PAMR1: variants seen among roughly 807,000 people sequenced by gnomAD.
The protein encoded by PAMR1 is peptidase domain containing associated with muscle regeneration 1, also known as inactive serine protease PAMR1.
In PAMR1, 88 loss-of-function variants were observed where a neutral mutation model predicts 81.8. That is an observed-to-expected ratio of 1.08 (90% CI 0.91 to 1.28). The LOEUF is 1.28. PAMR1 is among the 50% of genes most tolerant of loss of function. The pLI, the probability that PAMR1 is intolerant of heterozygous loss-of-function variation, is 0.00. For missense variants in PAMR1, 935 were observed against 919.7 expected (o/e 1.02, Z -0.21); for synonymous variants, 336 against 345.3 (o/e 0.97, Z 0.30).
intron 6 of PAMR1, chr11:35,453,386 C>T (rs1856461135): frequency 6.6e-6 from 1 of 152,246 alleles, no homozygotes; most frequent in East Asian, 1.9e-4. Context: ...GTGTTGATCA[C>T]ACTTCTGGGT....
chr11:35,455,080 T>A (rs1410705453), intron 6 of PAMR1, among the ~76,000 whole-genome samples: 1 of 152,236 alleles, frequency 6.6e-6, no homozygotes, highest in East Asian at 1.9e-4. Context: ...GTCTGAGAGA[T>A]GGATTTTAGT....
At chr11:35,433,955 T>C (rs566283770) in intron 10 of PAMR1, among the ~76,000 whole-genome samples, 35 of 152,244 alleles carry the variant, frequency 2.3e-4, no homozygotes, top group African/African-American at 7.0e-4. Flanking sequence ...ATATTGTAAA[T>C]TTGTTAAGAG....
chr11:35,447,232 T>G (rs1246146634), intron 6 of PAMR1, among the ~76,000 whole-genome samples: 2 of 144,838 alleles, frequency 1.4e-5, no homozygotes, highest in Non-Finnish European at 3.0e-5. Flanking sequence ...AGATGGAGTC[T>G]CGCTCTGTTA....
intron 1 of PAMR1, among the ~76,000 whole-genome samples, chr11:35,504,695 TTC>T (rs1463041588): frequency 6.6e-6 from 1 of 152,156 alleles, no homozygotes. Context: ...TCTCTAATAA[TTC>T]TCTGTGTTTC....
Position 35,439,593 on chromosome 11 carries a change from CCTTCAGGGCAGAGTG to C in PAMR1, c.1100+19_1100+33del. The C allele has an allele frequency of 1.9e-6, 3 of 1,547,816 alleles. No individual in the cohort carries two copies. Among genetic ancestry groups the C allele is most frequent in the Non-Finnish European group, 2.7e-6 (3 of 1,119,640 alleles). Reference sequence around the variant, plus strand: ...GAATGGAAGGGGAAATACTCATTAGCCTTCAGGGCAGAGTGCAGGTGTTTTGACCTCACCTTGACT... The same window carrying C: ...GAATGGAAGGGGAAATACTCATTAGCCAGGTGTTTTGACCTCACCTTGACT... On this transcript the variant is annotated intron_variant, in intron 8 of 10. Transcript: ENST00000619888.
intron 6 of PAMR1, among the ~76,000 whole-genome samples, chr11:35,461,401 C>A (rs1194670007): frequency 6.6e-6 from 1 of 152,130 alleles, no homozygotes; most frequent in Non-Finnish European, 1.5e-5. Flanking sequence ...GGCTAGAATG[C>A]TGTCCATGCT....
chr11:35,492,174 C>T lies in PAMR1; in HGVS notation c.251-1G>A. ...TTGCAGTTTTCAAAGATGGTACAAC[C>T]TGAAACATTCCCAAGAAGAGGAGTG... On this transcript the variant is annotated splice_acceptor_variant, in intron 2 of 10. Coordinates refer to ENST00000619888, the MANE Select transcript of PAMR1 (RefSeq NM_001001991.3). LOFTEE classifies it high-confidence loss of function. The T allele has an allele frequency of 6.2e-7, 1 of 1,613,996 alleles. No individual in the cohort carries two copies. The highest frequency in any genetic ancestry group is 8.5e-7 in the Non-Finnish European group (1 of 1,179,958).
chr11:35,518,647 T>G (rs1207543959), intron 1 of PAMR1, among the ~76,000 whole-genome samples: 1 of 151,530 alleles, frequency 6.6e-6, no homozygotes, highest in Non-Finnish European at 1.5e-5. Flanking sequence ...TGTCTTTTTT[T>G]CCCTTATACC....
intron 1 of PAMR1, among the ~76,000 whole-genome samples, chr11:35,507,404 T>C (rs1279512196): frequency 2.4e-5 from 3 of 124,518 alleles, no homozygotes; most frequent in African/African-American, 9.5e-5. Context: ...CATTCTGCTG[T>C]TGAAAGCCTC....
intron 6 of PAMR1, chr11:35,451,868 C>A: frequency 1.4e-6 from 1 of 705,128 alleles, no homozygotes; most frequent in South Asian, 1.5e-5. Context: ...AAGAAGTCAG[C>A]ATCTGAAGCA....
rs1187748090 is a variant in PAMR1 at position 35,434,588 on chromosome 11, G to C, written c.1550C>G (p.Thr517Arg). Residue 517 changes from threonine (T) to arginine (R), a missense_variant, in exon 10 of 11, where the codon ACA becomes AGA. Transcript: ENST00000619888. ...CCCCAAAACAACTTTCAGGTCTGCT[G>C]TCTTGATCATGGTGACCTTCCCCAG... is the stretch of plus-strand genomic sequence containing the variant. ...TDLGKVTMIKTADLKVVLGKF... is the reference protein window; with the variant it reads ...TDLGKVTMIKRADLKVVLGKF... 3.1e-6 allele frequency: 5 copies of C among 1,613,964 alleles called. No individual in the cohort carries two copies. The highest frequency in any genetic ancestry group is 1.1e-5 in the South Asian group (1 of 91,078).
At chr11:35,478,597 C>T (rs1430653096) in intron 3 of PAMR1, among the ~76,000 whole-genome samples, 1 of 152,170 alleles carries the variant, frequency 6.6e-6, no homozygotes, top group East Asian at 1.9e-4. Context: ...ATTCCCTCTC[C>T]ACTCTTGCCT....
At chr11:35,488,334 T>G (rs1308298253) in intron 3 of PAMR1, among the ~76,000 whole-genome samples, 2 of 150,870 alleles carry the variant, frequency 1.3e-5, no homozygotes, top group Non-Finnish European at 3.0e-5. Flanking sequence ...TTCTCCCTCC[T>G]CAGTCTCTTG....
At chr11:35,433,044 A>G (rs1855948126) in intron 10 of PAMR1, 152 bp from the exon 11 acceptor site, 4 of 705,204 alleles carry the variant, frequency 5.7e-6, no homozygotes, top group South Asian at 2.0e-5. Flanking sequence ...CATGGAAAAC[A>G]ACTACTCTAC....
chr11:35,466,472 A>G (rs1856758233), intron 6 of PAMR1, among the ~76,000 whole-genome samples: 1 of 152,188 alleles, frequency 6.6e-6, no homozygotes, highest in African/African-American at 2.4e-5. Context: ...TCACCCCTGT[A>G]ATCCCAGCAC....
intron 3 of PAMR1, among the ~76,000 whole-genome samples, chr11:35,486,983 T>C (rs1250704547): frequency 2.0e-5 from 3 of 152,086 alleles, no homozygotes; most frequent in Non-Finnish European, 4.4e-5. Flanking sequence ...TGGGTGAGTG[T>C]GATGTGCGCA....
In PAMR1 at chr11:35,442,529, A is replaced by G. The variant is rs1389282794; in HGVS notation, c.821-836T>C. Among the ~76,000 whole-genome samples the G allele has an allele frequency of 1.3e-5, 2 of 152,180 alleles. 1 individual carries two copies. Among genetic ancestry groups the G allele is most frequent in the African/African-American group, 4.8e-5 (2 of 41,456 alleles). ...GAGCTCCCATAGAATTCAAACTTCT[A>G]CTACTTGATTTGGGTACCAATCACT... On this transcript the variant is annotated intron_variant, in intron 6 of 10. Coordinates refer to ENST00000619888, the MANE Select transcript of PAMR1 (RefSeq NM_001001991.3).
chr11:35,471,145 C>A (rs1302078341), intron 4 of PAMR1, among the ~76,000 whole-genome samples: 2 of 152,184 alleles, frequency 1.3e-5, no homozygotes, highest in African/African-American at 2.4e-5. Context: ...TCCTTCCTAT[C>A]CTCAGGCCTA....
chr11:35,525,201 T>C (rs1441530092), intron 1 of PAMR1, among the ~76,000 whole-genome samples: 2 of 152,146 alleles, frequency 1.3e-5, no homozygotes, highest in Non-Finnish European at 2.9e-5. Flanking sequence ...CCTAAGGCAA[T>C]TTGGTACTTT....
Sources: gnomAD v4.1 joint callset for allele counts (sites outside exome capture counted in the v4.1 genomes callset) on GRCh38, gnomAD v4.1.1 for gene constraint, MANE v1.5 for transcripts, NCBI Gene and HGNC (gene_info 2026-07-23, HGNC 2026-07-21) for gene names.